The following LDLRAD3 variants were observed in gnomAD, a reference collection of about 807,000 sequenced individuals.
The protein encoded by LDLRAD3 is low-density lipoprotein receptor class A domain-containing protein 3.
A neutral mutation model predicts 29.4 loss-of-function variants in LDLRAD3; 20 were observed. The ratio of observed to expected loss-of-function variants is 0.68; its 90% CI spans 0.48 to 0.99. The LOEUF (loss-of-function observed/expected upper bound fraction) is 0.99. LDLRAD3 is among the 50% of genes least tolerant of loss of function. The pLI, the probability that LDLRAD3 is intolerant of heterozygous loss-of-function variation, is 0.00. For synonymous variants in LDLRAD3, 157 were observed against 192.7 expected (o/e 0.81, Z 1.53); for missense variants, 420 against 454.3 (o/e 0.92, Z 0.69).
intron 4 of LDLRAD3, among the ~76,000 whole-genome samples, chr11:36,209,429 G>A (rs183759204): frequency 2.1e-4 from 30 of 143,158 alleles, no homozygotes; most frequent in Admixed American, 8.1e-4. Flanking sequence ...GTGTGATCTC[G>A]GCTCACTGCA....
At chr11:36,109,430 T>A (rs1391928999) in intron 4 of LDLRAD3, among the ~76,000 whole-genome samples, 3 of 152,154 alleles carry the variant, frequency 2.0e-5, no homozygotes, top group Non-Finnish European at 4.4e-5. Context: ...TCGCCAAGAT[T>A]TGATGACAAA....
chr11:36,065,204 G>C (rs1852772199), intron 2 of LDLRAD3, among the ~76,000 whole-genome samples: 1 of 152,090 alleles, frequency 6.6e-6, no homozygotes, highest in South Asian at 2.1e-4. Context: ...CTGTTTTTAA[G>C]TACATGTAAT....
At chr11:35,973,269 A>T (rs530686002) in intron 1 of LDLRAD3, among the ~76,000 whole-genome samples, 1 of 152,182 alleles carries the variant, frequency 6.6e-6, no homozygotes, top group East Asian at 1.9e-4. Context: ...TGTATGGTTC[A>T]TGGTATTCTG....
chr11:36,106,261 C>G (rs982345808), intron 4 of LDLRAD3, among the ~76,000 whole-genome samples: 4 of 152,198 alleles, frequency 2.6e-5, no homozygotes, highest in East Asian at 1.9e-4. Flanking sequence ...CTCATTATCT[C>G]TCTCTACAAC....
At chr11:36,158,241 G>A (rs987846306) in intron 4 of LDLRAD3, among the ~76,000 whole-genome samples, 3 of 152,116 alleles carry the variant, frequency 2.0e-5, no homozygotes, top group Admixed American at 6.5e-5. Context: ...TTCCAGGCAC[G>A]TCACTGTCCG....
intron 1 of LDLRAD3, among the ~76,000 whole-genome samples, chr11:36,007,017 AC>A (rs1193506855): frequency 2.0e-5 from 3 of 152,296 alleles, no homozygotes; most frequent in Admixed American, 6.5e-5. Flanking sequence ...CCCCAGCCCC[AC>A]ACAGTGGGCC....
intron 1 of LDLRAD3, among the ~76,000 whole-genome samples, chr11:35,948,104 G>A (rs1202112819): frequency 6.6e-6 from 1 of 152,034 alleles, no homozygotes; most frequent in African/African-American, 2.4e-5. Flanking sequence ...TCGATTTCTT[G>A]ACCCGAATTG....
intron 4 of LDLRAD3, among the ~76,000 whole-genome samples, chr11:36,166,812 G>C (rs1044098337): frequency 6.6e-6 from 1 of 152,158 alleles, no homozygotes; most frequent in African/African-American, 2.4e-5. Flanking sequence ...GTAGGTCCAG[G>C]ATGGGGCCAG....
rs75587936 is a variant in LDLRAD3 at position 36,069,950 on chromosome 11, T to C, written c.194-11703T>C. ...TTACATTGCTTTTCCGCCTAGACCGTGGCCGACCTCAGCTGAAACCGACCT... is the reference window on the plus strand; with the variant it reads ...TTACATTGCTTTTCCGCCTAGACCGCGGCCGACCTCAGCTGAAACCGACCT... On this transcript the variant is annotated intron_variant, in intron 2 of 5. Coordinates refer to ENST00000315571, the MANE Select transcript of LDLRAD3 (RefSeq NM_174902.4). 5.5e-3 allele frequency among the ~76,000 whole-genome samples: 840 copies of C among 152,344 alleles called. 12 individuals are homozygous for C. The highest frequency in any genetic ancestry group is 0.02 in the African/African-American group (813 of 41,582).
chr11:36,143,960 G>A (rs368041103), intron 4 of LDLRAD3, among the ~76,000 whole-genome samples: 10 of 93,336 alleles, frequency 1.1e-4, no homozygotes, highest in African/African-American at 1.7e-4. Context: ...CTCTTGCCAC[G>A]GTCTCCCTCT....
intron 2 of LDLRAD3, among the ~76,000 whole-genome samples, chr11:36,080,130 G>A (rs1853087733): frequency 6.6e-6 from 1 of 152,214 alleles, no homozygotes; most frequent in African/African-American, 2.4e-5. Context: ...TTTATTGCCT[G>A]TTTGTTTCAA....
chr11:36,057,657 A>C (rs1295016600), intron 2 of LDLRAD3, among the ~76,000 whole-genome samples: 1 of 152,212 alleles, frequency 6.6e-6, no homozygotes, highest in Non-Finnish European at 1.5e-5. Context: ...TCTGCCCACT[A>C]TCTCTTGGCT....
At chr11:36,121,543 C>G (rs1289786378) in intron 4 of LDLRAD3, among the ~76,000 whole-genome samples, 1 of 152,134 alleles carries the variant, frequency 6.6e-6, no homozygotes, top group African/African-American at 2.4e-5. Flanking sequence ...GGCGATGGCT[C>G]CTGGGAAGGG....
chr11:35,999,830 C>T (rs1851801067), intron 1 of LDLRAD3, among the ~76,000 whole-genome samples: 1 of 152,180 alleles, frequency 6.6e-6, no homozygotes, highest in African/African-American at 2.4e-5. Context: ...ATGAGGGCCC[C>T]AGGCCTAGTA....
intron 4 of LDLRAD3, among the ~76,000 whole-genome samples, chr11:36,190,118 G>A (rs1000448959): frequency 2.0e-5 from 3 of 151,828 alleles, no homozygotes; most frequent in African/African-American, 7.3e-5. Context: ...ATTTTGGAGG[G>A]AAACAGGCTA....
chr11:36,208,261 T>C (rs958419734), intron 4 of LDLRAD3, among the ~76,000 whole-genome samples: 1 of 152,162 alleles, frequency 6.6e-6, no homozygotes, highest in African/African-American at 2.4e-5. Context: ...AATGCCTTTG[T>C]TTTGTGCTGG....
intron 1 of LDLRAD3, among the ~76,000 whole-genome samples, chr11:35,950,422 C>T (rs1851116517): frequency 6.6e-6 from 1 of 152,182 alleles, no homozygotes; most frequent in Admixed American, 6.5e-5. Flanking sequence ...ACTTTTCTAG[C>T]TCTAGGCTTC....
chr11:36,081,921 A>G (rs1590252094), intron 3 of LDLRAD3, 143 bp downstream of exon 3: 2 of 992,132 alleles, frequency 2.0e-6, no homozygotes, highest in Non-Finnish European at 1.5e-6. Flanking sequence ...GTTCTTCCCT[A>G]CTTCTTGTGT....
intron 1 of LDLRAD3, among the ~76,000 whole-genome samples, chr11:36,022,252 TC>T (rs1355504996): frequency 6.6e-6 from 1 of 152,224 alleles, no homozygotes; most frequent in Non-Finnish European, 1.5e-5. Context: ...GAATGCTTTG[TC>T]TTATGAAATG....
Sources: allele counts gnomAD v4.1 joint callset (sites outside exome capture counted in the v4.1 genomes callset), GRCh38; gene constraint gnomAD v4.1.1; transcripts MANE v1.5; gene names NCBI Gene and HGNC (gene_info 2026-07-23, HGNC 2026-07-21).